The following JPT2 variants were observed in gnomAD, a reference collection of about 807,000 sequenced individuals.
JPT2 encodes the protein Jupiter microtubule associated homolog 2.
JPT2 carries 9 observed loss-of-function variants against 15.9 expected under a neutral mutation model. That is an observed-to-expected ratio of 0.57 (90% CI 0.34 to 0.99). JPT2 has a LOEUF of 0.99. Ranked by LOEUF, JPT2 falls within the 50% of genes least tolerant of loss-of-function variation. The pLI, the probability that JPT2 is intolerant of heterozygous loss-of-function variation, is 0.02. For missense variants in JPT2, 267 were observed against 252.1 expected (o/e 1.06, Z -0.40); for synonymous variants, 95 against 91.7 (o/e 1.04, Z -0.21).
Position 1,691,892 on chromosome 16 carries a change from ACAG to A in JPT2, c.246_248del (p.Gln82del), listed in dbSNP as rs754076622. On this transcript the variant is annotated inframe_deletion, in exon 3 of 5. Transcript: ENST00000248098. The stretch of plus-strand genomic sequence containing the variant: ...ACGAATCAACCCCCGTGCAGACTCG[ACAG>A]CACCTGAACCCACCTGGAGGGAAGA... 6 of 1,614,094 alleles carry A rather than the reference ACAG, an allele frequency of 3.7e-6. No individual in the cohort carries two copies. In the South Asian group the frequency reaches 4.4e-5, roughly 12 times the overall value.
At chr16:1,680,380 C>T in intron 1 of JPT2, 3 of 1,053,344 alleles carry the variant, frequency 2.8e-6, no homozygotes, top group Non-Finnish European at 3.5e-6. Flanking sequence ...CAGGGCCGCA[C>T]TAAAGTCATA....
At chr16:1,683,286 A>G (rs2037038857) in intron 1 of JPT2, among the ~76,000 whole-genome samples, 1 of 147,432 alleles carries the variant, frequency 6.8e-6, no homozygotes, top group Admixed American at 6.7e-5. Flanking sequence ...TTATTTTTGT[A>G]TTTTTTGTAG....
chr16:1,681,857 C>T (rs1567468001), intron 1 of JPT2, among the ~76,000 whole-genome samples: 2 of 152,036 alleles, frequency 1.3e-5, no homozygotes, highest in Admixed American at 1.3e-4. Flanking sequence ...GCAGTCAAGG[C>T]GAGTCTACCT....
intron 3 of JPT2, among the ~76,000 whole-genome samples, chr16:1,694,834 A>C (rs963691752): frequency 6.6e-6 from 1 of 152,264 alleles, no homozygotes; most frequent in Admixed American, 6.5e-5. Context: ...AATGAACTCA[A>C]AATGGATCGA....
At chr16:1,692,957 G>C (rs1205811885) in intron 3 of JPT2, among the ~76,000 whole-genome samples, 1 of 152,202 alleles carries the variant, frequency 6.6e-6, no homozygotes, top group Admixed American at 6.5e-5. Flanking sequence ...GAGTGGATGA[G>C]GGCATTGATC....
chr16:1,694,006 C>T lies in JPT2; in HGVS notation c.336+2021C>T, dbSNP rs571473911. On this transcript the variant is annotated intron_variant, in intron 3 of 4. Transcript: ENST00000248098. ...TTGGGAGAATGCTGGAGGACCGGCT[C>T]GTCACTGCGAAAGCGGGCAGATGAC... Among the ~76,000 whole-genome samples, 18 of 152,222 alleles carry T rather than the reference C, an allele frequency of 1.2e-4. 1 individual carries two copies. Among genetic ancestry groups the T allele is most frequent in the Non-Finnish European group, 2.4e-4 (16 of 68,018 alleles).
In JPT2 at chr16:1,685,424, A is replaced by G. The variant is rs2080910253; in HGVS notation, c.45-15A>G. ...GGTCTGCCATCAGTAATTGGCATGT[A>G]CTCTGTGCTTGTAGGGCCATGAAGC... is the stretch of plus-strand genomic sequence containing the variant. On this transcript the variant is annotated splice_polypyrimidine_tract_variant and intron_variant, in intron 1 of 4. Transcript: ENST00000248098. 1 of 1,613,754 alleles carries G rather than the reference A, an allele frequency of 6.2e-7. No homozygotes were observed. Among genetic ancestry groups the G allele is most frequent in the Non-Finnish European group, 8.5e-7 (1 of 1,179,850 alleles).
chr16:1,696,229 AAAAAAAC>A (rs947900480), intron 3 of JPT2, among the ~76,000 whole-genome samples: 3 of 135,358 alleles, frequency 2.2e-5, no homozygotes, highest in Admixed American at 7.2e-5. Flanking sequence ...ACTCTGTCTC[AAAAAAAC>A]AAAAAACAAA....
chr16:1,684,616 T>A (rs1331061795), intron 1 of JPT2, among the ~76,000 whole-genome samples: 1 of 152,122 alleles, frequency 6.6e-6, no homozygotes, highest in African/African-American at 2.4e-5. Flanking sequence ...GGCGCATACC[T>A]GTAATCCTAG....
chr16:1,679,148 A>T (rs1390738869), intron 1 of JPT2, among the ~76,000 whole-genome samples: 4 of 152,252 alleles, frequency 2.6e-5, no homozygotes, highest in African/African-American at 7.2e-5. Context: ...GACAGAGCTT[A>T]CAAGGTCTTT....
chr16:1,683,569 G>A, intron 1 of JPT2: 1 of 1,535,538 alleles, frequency 6.5e-7, no homozygotes, highest in Non-Finnish European at 8.7e-7. Context: ...TGAGTGGACA[G>A]GGGCCCTGGG....
At position 1,697,876 on chromosome 16, in the gene JPT2, C is replaced by T; in HGVS notation, c.385+16C>T. On this transcript the variant is annotated intron_variant, in intron 4 of 4. Coordinates refer to ENST00000248098, the MANE Select transcript of JPT2 (RefSeq NM_144570.3). The stretch of plus-strand genomic sequence containing the variant: ...GATCTTAAAGGTGAGCTTTTGTTTT[C>T]TTTCCCTTCTCCTGAGTGGCCTCAT... 1 of 1,611,128 alleles carries T rather than the reference C, an allele frequency of 6.2e-7. No homozygotes were observed. The highest frequency in any genetic ancestry group is 8.5e-7 in the Non-Finnish European group (1 of 1,177,544).
chr16:1,691,726 C>A, intron 2 of JPT2, 117 bp from the exon 3 acceptor site: 1 of 1,241,812 alleles, frequency 8.1e-7, no homozygotes, highest in Non-Finnish European at 1.1e-6. Context: ...TGGCCTGGAG[C>A]TCAGGGCTGG....
intron 2 of JPT2, chr16:1,685,871 A>G (rs1029235338): frequency 1.7e-4 from 47 of 276,828 alleles, no homozygotes; most frequent in African/African-American, 7.6e-4. Flanking sequence ...GCTGCTCCCA[A>G]TTGTTCCACG....
At chr16:1,685,706 C>G (rs1233476455) in intron 2 of JPT2, 119 bp downstream of exon 2, 1 of 1,090,232 alleles carries the variant, frequency 9.2e-7, no homozygotes, top group Non-Finnish European at 1.3e-6. Flanking sequence ...CACTTGTTAT[C>G]AGAGTTCTTC....
chr16:1,697,973 C>G, intron 4 of JPT2, 113 bp downstream of exon 4: 1 of 910,398 alleles, frequency 1.1e-6, no homozygotes, highest in East Asian at 2.4e-5. Flanking sequence ...TCTGGGCCAC[C>G]TGATTAAAAC....
Position 1,699,223 on chromosome 16 carries a change from C to A in JPT2, c.*225C>A. On this transcript the variant is annotated 3_prime_UTR_variant, in exon 5 of 5. Coordinates refer to ENST00000248098, the MANE Select transcript of JPT2 (RefSeq NM_144570.3). ...GATGAAATGGGGCACCCCTGGCCAT[C>A]ACTCATGTGTAGTCCAGGTTTGAGA... 2 of 646,166 alleles carry A rather than the reference C, an allele frequency of 3.1e-6. No individual in the cohort carries two copies. Among genetic ancestry groups the A allele is most frequent in the East Asian group, 3.1e-5 (1 of 32,312 alleles). 40.0% of individuals were successfully genotyped at this position (646,166 alleles called of 1,614,324 possible).
chr16:1,695,633 G>T (rs1297172358), intron 3 of JPT2, among the ~76,000 whole-genome samples: 3 of 152,072 alleles, frequency 2.0e-5, no homozygotes, highest in African/African-American at 7.2e-5. Flanking sequence ...CACTTTGGGA[G>T]GCTGAAGCAG....
At chr16:1,680,908 G>C (rs956789265) in intron 1 of JPT2, among the ~76,000 whole-genome samples, 1 of 152,156 alleles carries the variant, frequency 6.6e-6, no homozygotes, top group Admixed American at 6.5e-5. Context: ...GGAGACCCCC[G>C]AGGAGGGTCA....
Sources: gnomAD v4.1 joint callset for allele counts (sites outside exome capture counted in the v4.1 genomes callset) on GRCh38, gnomAD v4.1.1 for gene constraint, MANE v1.5 for transcripts, NCBI Gene and HGNC (gene_info 2026-07-23, HGNC 2026-07-21) for gene names.